Variants in CUBN observed in about 807,000 individuals in gnomAD.
The protein encoded by CUBN is cubilin.
Under a neutral mutation model 405.3 loss-of-function variants are expected in CUBN, and 282 were observed. The ratio of observed to expected loss-of-function variants is 0.70; its 90% confidence interval spans 0.63 to 0.77. The LOEUF is 0.77. Ranked by LOEUF, CUBN falls within the 30% of genes least tolerant of loss-of-function variation. The probability of loss-of-function intolerance (pLI) is 0.00; values close to 1 mark genes in which losing one functional copy is unlikely to be tolerated. For synonymous variants in CUBN, 1,684 were observed against 1,617.0 expected (o/e 1.04, Z -0.99); for missense variants, 4,514 against 4,475.2 (o/e 1.01, Z -0.25).
chr10:16,935,651 G>GCTA (rs1477217157), intron 39 of CUBN, among the ~76,000 whole-genome samples: 1 of 151,984 alleles, frequency 6.6e-6, no homozygotes, highest in Non-Finnish European at 1.5e-5. Flanking sequence ...AGGCCGAGGT[G>GCTA]GGCAGATCAT....
chr10:17,107,685 G>C lies in CUBN; in HGVS notation c.1111+1955C>G, dbSNP rs571348879. Among the ~76,000 whole-genome samples the C allele has an allele frequency of 7.1e-3, 1,084 of 152,030 alleles. 10 individuals are homozygous for C. The highest frequency in any genetic ancestry group is 0.024 in the Middle Eastern group (7 of 294). Reference sequence around the variant, plus strand: ...GCTAATTTTTTGTATTTTCAGTAGAGACGGGGTTTCACCATGTTGGCCAGG... The same window carrying C: ...GCTAATTTTTTGTATTTTCAGTAGACACGGGGTTTCACCATGTTGGCCAGG... On this transcript the variant is annotated intron_variant, in intron 10 of 66. Transcript: ENST00000377833.
chr10:16,914,576 G>T (rs970918567), intron 47 of CUBN, among the ~76,000 whole-genome samples: 1 of 149,448 alleles, frequency 6.7e-6, no homozygotes, highest in Non-Finnish European at 1.5e-5. Flanking sequence ...AAAAAAAAAA[G>T]AATCAAGAAA....
intron 43 of CUBN, among the ~76,000 whole-genome samples, chr10:16,922,074 A>C (rs1392573530): frequency 2.6e-5 from 4 of 151,988 alleles, no homozygotes; most frequent in Non-Finnish European, 5.9e-5. Context: ...ATGGCATATT[A>C]TATATTTTAC....
At position 16,906,332 on chromosome 10, in the gene CUBN, T is replaced by G; in HGVS notation, c.7783A>C (p.Arg2595=). The change falls in exon 50 of 67, where the codon AGA becomes CGA. Residue 2595 remains arginine, a synonymous_variant. Transcript: ENST00000377833. ...PGYDGVRNYS[R]NLNCEWTLSN... ...AGAGTCCATTCGCAGTTCAGGTTTC[T>G]TGAGTAATTCCTGACTCCGTCATAG... The G allele has an allele frequency of 6.2e-7, 1 of 1,614,038 alleles. No individual in the cohort carries two copies. The highest frequency in any genetic ancestry group is 1.1e-5 in the South Asian group (1 of 91,088).
At chr10:17,069,675 C>G (rs1213513893) in intron 19 of CUBN, among the ~76,000 whole-genome samples, 1 of 152,158 alleles carries the variant, frequency 6.6e-6, no homozygotes, top group African/African-American at 2.4e-5. Context: ...TTCTGAGTAG[C>G]TGAGGCTACA....
intron 39 of CUBN, 65 bp downstream of exon 39, chr10:16,937,527 A>C (rs996676872): frequency 2.9e-6 from 4 of 1,375,000 alleles, no homozygotes; most frequent in East Asian, 2.4e-5. Context: ...TTATGATAGG[A>C]TCCTTTGAAA....
chr10:17,047,665 C>T, intron 22 of CUBN, 62 bp from the exon 23 acceptor site: 1 of 1,376,220 alleles, frequency 7.3e-7, no homozygotes, highest in Non-Finnish European at 1.0e-6. Context: ...TATAATACAT[C>T]CAGTAATATG....
At chr10:16,944,470 T>C (rs544038073) in intron 36 of CUBN, among the ~76,000 whole-genome samples, 1 of 152,202 alleles carries the variant, frequency 6.6e-6, no homozygotes, top group Non-Finnish European at 1.5e-5. Context: ...CCCAGCCCCA[T>C]GTTTTAGAAC....
intron 17 of CUBN, among the ~76,000 whole-genome samples, chr10:17,083,743 C>G (rs938332587): frequency 2.6e-5 from 4 of 151,982 alleles, no homozygotes; most frequent in Non-Finnish European, 4.4e-5. Flanking sequence ...AATGATTATG[C>G]CCAAAAAAAC....
At chr10:17,010,297 A>G (rs1239104722) in intron 28 of CUBN, among the ~76,000 whole-genome samples, 2 of 152,228 alleles carry the variant, frequency 1.3e-5, no homozygotes. Context: ...ATAGAGATGA[A>G]TCAATCCAAT....
chr10:16,970,121 A>C (rs751274645), intron 31 of CUBN, among the ~76,000 whole-genome samples: 1 of 152,260 alleles, frequency 6.6e-6, no homozygotes, highest in South Asian at 2.1e-4. Flanking sequence ...AGCACCTGGC[A>C]GTGTCTGGTA....
intron 22 of CUBN, among the ~76,000 whole-genome samples, chr10:17,061,601 A>G (rs1588618397): frequency 6.6e-6 from 1 of 152,174 alleles, no homozygotes; most frequent in Non-Finnish European, 1.5e-5. Context: ...AGGATCACTG[A>G]TAAAAAACAG....
intron 55 of CUBN, among the ~76,000 whole-genome samples, chr10:16,889,466 A>C (rs780844): frequency 0.78 from 118,466 of 152,130 alleles, 46,905 homozygotes; most frequent in African/African-American, 0.88. Context: ...GACTTGAAAA[A>C]TGCTACATTT....
At chr10:17,084,113 G>C (rs1273609078) in intron 17 of CUBN, among the ~76,000 whole-genome samples, 158 bp downstream of exon 17, 3 of 152,100 alleles carry the variant, frequency 2.0e-5, no homozygotes, top group African/African-American at 7.2e-5. Context: ...TTATTTGCCT[G>C]CACCTTAGTC....
chr10:16,967,894 A>AGG (rs1313046432), intron 31 of CUBN, among the ~76,000 whole-genome samples: 3 of 136,528 alleles, frequency 2.2e-5, no homozygotes, highest in Non-Finnish European at 3.3e-5. Flanking sequence ...AAGGAGAGAC[A>AGG]GAGGGAGAGA....
intron 29 of CUBN, among the ~76,000 whole-genome samples, chr10:16,989,311 T>C (rs943344876): frequency 1.3e-5 from 2 of 149,832 alleles, no homozygotes; most frequent in African/African-American, 4.9e-5. Context: ...TAATATGTAG[T>C]GTATTATATA....
chr10:17,113,187 C>T (rs1836809157), intron 8 of CUBN, among the ~76,000 whole-genome samples: 1 of 152,156 alleles, frequency 6.6e-6, no homozygotes, highest in Non-Finnish European at 1.5e-5. Flanking sequence ...ATCGCTTGAA[C>T]CCAGGAGGTG....
chr10:16,877,407 C>T (rs568701792), intron 56 of CUBN, among the ~76,000 whole-genome samples: 2 of 152,266 alleles, frequency 1.3e-5, no homozygotes, highest in South Asian at 4.1e-4. Flanking sequence ...GTTGCCTCCC[C>T]AAGAACACCT....
intron 33 of CUBN, among the ~76,000 whole-genome samples, chr10:16,951,767 G>A (rs984151580): frequency 1.3e-5 from 2 of 152,172 alleles, no homozygotes; most frequent in African/African-American, 4.8e-5. Context: ...TTGCAGGAGA[G>A]CCCAGGTTTT....
Sources: allele counts gnomAD v4.1 joint callset (sites outside exome capture counted in the v4.1 genomes callset), GRCh38; gene constraint gnomAD v4.1.1; transcripts MANE v1.5; gene names NCBI Gene and HGNC (gene_info 2026-07-23, HGNC 2026-07-21).